The following RPS24 variants were observed in gnomAD, a reference collection of about 807,000 sequenced individuals.
RPS24 encodes small ribosomal subunit protein eS24.
For synonymous variants in RPS24, 72 were observed against 55.6 expected (o/e 1.30, Z -1.31); for missense variants, 100 against 162.5 (o/e 0.62, Z 2.09).
rs1426142940 is a variant in RPS24, at chr10:78,033,924, T to G, written c.3+20T>G. 3 of 1,613,844 alleles carry G rather than the reference T, an allele frequency of 1.9e-6. No homozygotes were observed. The highest frequency in any genetic ancestry group is 2.2e-5 in the East Asian group (1 of 44,888). The stretch of plus-strand genomic sequence containing the variant: ...ATCATGGTGAGTCTCCCTGGGCCCG[T>G]GCAGTCATCTGCCGCGTATCCGAGC... On this transcript the variant is annotated intron_variant, in intron 1 of 5. Transcript: ENST00000372360.
intron 4 of RPS24, among the ~76,000 whole-genome samples, chr10:78,047,055 G>T (rs1025132315): frequency 6.6e-6 from 1 of 151,850 alleles, no homozygotes; most frequent in African/African-American, 2.4e-5. Context: ...CCGCCTCCTG[G>T]GTGCGATTCT....
chr10:78,055,137 C>T, exon 5 of RPS24: 2 of 1,368,758 alleles, frequency 1.5e-6, no homozygotes, highest in Non-Finnish European at 1.9e-6. Context: ...CTGTTCAGAA[C>T]CCTCCAGGGC....
chr10:78,044,719 G>A (rs1249157762), downstream of RPS24, among the ~76,000 whole-genome samples: 3 of 150,764 alleles, frequency 2.0e-5, no homozygotes, highest in Non-Finnish European at 2.9e-5. Context: ...TACAGGTGAG[G>A]TCCTGGTAAG....
chr10:78,056,259 C>T (rs1028589499), exon 5 of RPS24: 2 of 152,210 alleles, frequency 1.3e-5, no homozygotes, highest in African/African-American at 4.8e-5. Flanking sequence ...GGCTCCTGTC[C>T]TAGGGCACTG....
chr10:78,050,653 C>T (rs774742984), intron 4 of RPS24, among the ~76,000 whole-genome samples: 1 of 152,230 alleles, frequency 6.6e-6, no homozygotes, highest in Non-Finnish European at 1.5e-5. Context: ...CTCTGTCACC[C>T]AGCCTGGAGT....
chr10:78,048,033 A>G (rs1157675103), intron 4 of RPS24, among the ~76,000 whole-genome samples: 1 of 152,144 alleles, frequency 6.6e-6, no homozygotes, highest in Admixed American at 6.5e-5. Context: ...GTGGCTGTCA[A>G]CATCTCTTTC....
At chr10:78,046,344 AC>A (rs1848042783) in intron 4 of RPS24, among the ~76,000 whole-genome samples, 1 of 120,926 alleles carries the variant, frequency 8.3e-6, no homozygotes, top group Non-Finnish European at 1.6e-5. Context: ...TATCTCATTT[AC>A]CTTTTTTTTT....
chr10:78,033,987 G>A (rs372901744), intron 1 of RPS24, 83 bp downstream of exon 1: 2 of 1,537,190 alleles, frequency 1.3e-6, no homozygotes, highest in Non-Finnish European at 1.8e-6. Flanking sequence ...TGAGCTATAG[G>A]CACGCGAAGC....
At chr10:78,051,146 C>T (rs1024302978) in intron 4 of RPS24, among the ~76,000 whole-genome samples, 1 of 152,102 alleles carries the variant, frequency 6.6e-6, no homozygotes, top group Non-Finnish European at 1.5e-5. Context: ...GCTGAGATTG[C>T]GCCACTGCAC....
At chr10:78,041,175 A>G (rs1222082731), downstream of RPS24, among the ~76,000 whole-genome samples, 2 of 152,222 alleles carry the variant, frequency 1.3e-5, no homozygotes, top group African/African-American at 4.8e-5. Flanking sequence ...GAGAAATCTC[A>G]GGAAGCAGTA....
At chr10:78,036,041 A>C (rs1211076985) in intron 3 of RPS24, 2 of 382,808 alleles carry the variant, frequency 5.2e-6, no homozygotes, top group Non-Finnish European at 9.9e-6. Flanking sequence ...GTTTGGATTA[A>C]GTCTGCATCT....
intron 5 of RPS24, 24 bp from the exon 6 acceptor site, chr10:78,040,591 A>G (rs375650420): frequency 1.9e-6 from 3 of 1,588,114 alleles, no homozygotes; most frequent in South Asian, 2.2e-5. Flanking sequence ...GTTGTTGACT[A>G]AACTTCTTTC....
chr10:78,049,979 T>C (rs562088176), intron 4 of RPS24, among the ~76,000 whole-genome samples: 1 of 152,166 alleles, frequency 6.6e-6, no homozygotes, highest in African/African-American at 2.4e-5. Flanking sequence ...ATAGGGATCC[T>C]TTCAGCAGAA....
At chr10:78,035,106 A>T (rs1052588885) in intron 1 of RPS24, among the ~76,000 whole-genome samples, 3 of 152,218 alleles carry the variant, frequency 2.0e-5, no homozygotes, top group African/African-American at 7.2e-5. Flanking sequence ...TGCCCCAGAG[A>T]TACACATAAC....
At chr10:78,035,757 A>C (rs938258977) in intron 3 of RPS24, 37 bp downstream of exon 3, 1 of 1,543,864 alleles carries the variant, frequency 6.5e-7, no homozygotes, top group Non-Finnish European at 8.8e-7. Flanking sequence ...GCTCCTGAAG[A>C]CCTATTTTTT....
chr10:78,051,983 T>C (rs962240106), intron 4 of RPS24, among the ~76,000 whole-genome samples: 2 of 152,170 alleles, frequency 1.3e-5, no homozygotes, highest in Admixed American at 6.5e-5. Context: ...GGTTTGCAAA[T>C]ATTTTCTCCT....
At chr10:78,039,634 A>C (rs983337745) in intron 4 of RPS24, 1 of 158,310 alleles carries the variant, frequency 6.3e-6, no homozygotes, top group African/African-American at 2.4e-5. Context: ...TAGTAGTCTC[A>C]TATCTGAGGA....
At position 78,050,483 on chromosome 10, in the gene RPS24, C is replaced by T. The variant is rs756143234; in HGVS notation, c.391-4048C>T. ...TCACTCCCAGACCTCAGCAAGTGGC[C>T]GCTTTAAAAAGAGAATAAGAGCTTT... On this transcript the variant is annotated intron_variant, in intron 4 of 4. Transcript: ENST00000440692. Among the ~76,000 whole-genome samples, 33 of 152,282 alleles carry T rather than the reference C, an allele frequency of 2.2e-4. 1 individual carries two copies. The highest frequency in any genetic ancestry group is 6.8e-3 in the Middle Eastern group (2 of 294).
Position 78,037,211 on chromosome 10 carries a change from GA to G in RPS24, c.302del (p.Lys101ArgfsTer14). ...TCATTCAGCATGGCCTGTATGAGAA[GA>G]AAAAGACCTCAAGAAAGCAACGAAA... ...RLARHGLYEK[K>X]KTSRKQRKER... On this transcript the variant is annotated frameshift_variant, in exon 4 of 6. Transcript: ENST00000372360. LOFTEE classifies it high-confidence loss of function. 6.2e-7 allele frequency: 1 copy of G among 1,604,802 alleles called. No individual in the cohort carries two copies. The highest frequency in any genetic ancestry group is 8.5e-7 in the Non-Finnish European group (1 of 1,175,968).
Sources: allele counts gnomAD v4.1 joint callset (sites outside exome capture counted in the v4.1 genomes callset), GRCh38; gene constraint gnomAD v4.1.1; transcripts MANE v1.5; gene names NCBI Gene and HGNC (gene_info 2026-07-23, HGNC 2026-07-21).